DPP3: variants seen among roughly 807,000 people sequenced by gnomAD.
DPP3 encodes the protein DPP III.
Under a neutral mutation model 89.8 loss-of-function variants are expected in DPP3, and 64 were observed. The ratio of observed to expected loss-of-function variants is 0.71; its 90% CI spans 0.58 to 0.88. DPP3 has a LOEUF of 0.88. DPP3 is among the 40% of genes least tolerant of loss of function. The probability of loss-of-function intolerance (pLI) is 0.00; values close to 1 mark genes in which losing one functional copy is unlikely to be tolerated. For synonymous variants in DPP3, 377 were observed against 404.3 expected (o/e 0.93, Z 0.81); for missense variants, 835 against 972.5 (o/e 0.86, Z 1.88).
chr11:66,486,460 G>A, intron 3 of DPP3, 80 bp from the exon 4 acceptor site: 1 of 1,395,476 alleles, frequency 7.2e-7, no homozygotes, highest in Non-Finnish European at 9.4e-7. Context: ...CATAGGAGAA[G>A]AGCTTGGGAG....
At chr11:66,498,124 C>T (rs1228333627) in intron 16 of DPP3, among the ~76,000 whole-genome samples, 6 of 142,470 alleles carry the variant, frequency 4.2e-5, no homozygotes, top group Non-Finnish European at 7.6e-5. Context: ...GACAGGGTCT[C>T]GCTCTGTCGC....
Position 66,487,933 on chromosome 11 carries a change from C to G in DPP3, c.593C>G (p.Thr198Ser). 6.2e-7 allele frequency: 1 copy of G among 1,614,102 alleles called. No individual in the cohort carries two copies. Among genetic ancestry groups the G allele is most frequent in the Non-Finnish European group, 8.5e-7 (1 of 1,179,988 alleles). The change falls in exon 6 of 18, where the codon ACC becomes AGC. Residue 198 changes from threonine (T) to serine (S), a missense_variant. Coordinates refer to ENST00000531863, the MANE Select transcript of DPP3 (RefSeq NM_130443.4). ...TTCTAGAACCTCAGTGCCTACAACA[C>G]CCGGCTCTTCAAAGAGGTCGATGGA... is the stretch of plus-strand genomic sequence containing the variant. Reference protein sequence around the residue: ...LDSQNLSAYNTRLFKEVDGEG... With the variant: ...LDSQNLSAYNSRLFKEVDGEG...
At chr11:66,508,293 CGGAGATAATGAT>C (rs1855853977) in intron 17 of DPP3, among the ~76,000 whole-genome samples, 1 of 152,130 alleles carries the variant, frequency 6.6e-6, no homozygotes, top group South Asian at 2.1e-4. Context: ...TAAACAGGTT[CGGAGATAATGAT>C]GCCATGGTGG....
At chr11:66,504,826 G>A (rs759636415) in intron 17 of DPP3, 52 bp downstream of exon 17, 8 of 1,528,264 alleles carry the variant, frequency 5.2e-6, no homozygotes, top group Non-Finnish European at 5.3e-6. Context: ...CACCACACAG[G>A]GCCCTCTGGG....
chr11:66,491,857 T>C, intron 9 of DPP3, 101 bp downstream of exon 9: 1 of 1,289,718 alleles, frequency 7.8e-7, no homozygotes. Flanking sequence ...CGCTCAGCCA[T>C]AACCATAACA....
chr11:66,508,443 G>A (rs1404850380), intron 17 of DPP3, among the ~76,000 whole-genome samples: 2 of 152,156 alleles, frequency 1.3e-5, no homozygotes, highest in East Asian at 1.9e-4. Flanking sequence ...AGATGAAGTC[G>A]TTGCTGAATT....
At chr11:66,481,979 A>T (rs1184787319) in intron 1 of DPP3, 1 of 658,792 alleles carries the variant, frequency 1.5e-6, no homozygotes, top group African/African-American at 1.8e-5. Flanking sequence ...TAGGGACTAC[A>T]GACCAAATAT....
intron 1 of DPP3, 154 bp from the exon 2 acceptor site, chr11:66,482,039 C>G: frequency 8.6e-7 from 1 of 1,160,744 alleles, no homozygotes; most frequent in Non-Finnish European, 1.2e-6. Context: ...CTCACCTTCT[C>G]TAAGCCTCAG....
Position 66,509,605 on chromosome 11 carries a change from TC to T in DPP3, c.*356del. 2 of 626,918 alleles carry T rather than the reference TC, an allele frequency of 3.2e-6. No homozygotes were observed. Among genetic ancestry groups the T allele is most frequent in the Non-Finnish European group, 5.8e-6 (2 of 344,242 alleles). The allele number at this position is 626,918 out of a possible 1,614,324, so 38.8% of individuals were successfully genotyped here. ...AAAACGTTCTCACCAAATCCAATGC[TC>T]CTCACATATTAATTTTATAACCAGA... On this transcript the variant is annotated 3_prime_UTR_variant, in exon 18 of 18. Transcript: ENST00000531863.
At chr11:66,484,254 G>A (rs1238513198) in intron 2 of DPP3, among the ~76,000 whole-genome samples, 2 of 152,178 alleles carry the variant, frequency 1.3e-5, no homozygotes, top group Non-Finnish European at 2.9e-5. Flanking sequence ...TGGGATTACA[G>A]GTGTGAGCCA....
chr11:66,480,538 CG>C lies in DPP3; in HGVS notation c.-9+74del, dbSNP rs141731540. ...GGGACCAAGGCGAATCCATACTGAG[CG>C]CAAAATCGTTCCCTTTCTGCCCACT... On this transcript the variant is annotated intron_variant, in intron 1 of 17. Coordinates refer to ENST00000531863, the MANE Select transcript of DPP3 (RefSeq NM_130443.4). 4.6e-4 allele frequency: 663 copies of C among 1,427,762 alleles called. 4 individuals carry two copies. The African/African-American group carries it at 9.3e-3, about 20-fold the overall frequency. 88.4% of individuals were successfully genotyped at this position (1,427,762 alleles called of 1,614,324 possible).
intron 1 of DPP3, 129 bp downstream of exon 1, chr11:66,480,594 C>A (rs2134711322): frequency 1.8e-6 from 2 of 1,125,606 alleles, no homozygotes; most frequent in Non-Finnish European, 2.4e-6. Flanking sequence ...TTCACCCCGC[C>A]CTCGAGGCCA....
intron 16 of DPP3, among the ~76,000 whole-genome samples, chr11:66,500,853 TC>T (rs1329531161): frequency 2.6e-5 from 4 of 151,630 alleles, no homozygotes. Context: ...GTCAGGAGTT[TC>T]AGACCAGCCT....
chr11:66,485,274 G>T lies in DPP3; in HGVS notation c.360+12G>T, dbSNP rs2134719860. On this transcript the variant is annotated intron_variant, in intron 3 of 17. Coordinates refer to ENST00000531863, the MANE Select transcript of DPP3 (RefSeq NM_130443.4). ...CCAACTTGCCCAAGGTGAGCCAAGG[G>T]AGGGTTGGGGAAGGTGGGGATGGGG... 1 of 1,612,954 alleles carries T rather than the reference G, an allele frequency of 6.2e-7. No individual in the cohort carries two copies. Among genetic ancestry groups the T allele is most frequent in the Non-Finnish European group, 8.5e-7 (1 of 1,179,224 alleles).
At chr11:66,502,748 G>A (rs1855710994) in intron 16 of DPP3, among the ~76,000 whole-genome samples, 1 of 152,154 alleles carries the variant, frequency 6.6e-6, no homozygotes, top group Non-Finnish European at 1.5e-5. Flanking sequence ...ACAGGCGTGA[G>A]ACACCACGCC....
intron 7 of DPP3, 48 bp downstream of exon 7, chr11:66,491,431 G>T (rs969879289): frequency 2.2e-5 from 35 of 1,604,616 alleles, no homozygotes; most frequent in Non-Finnish European, 2.8e-5. Context: ...ACCCCTCTGG[G>T]CAGCAGAGCG....
chr11:66,502,048 C>T (rs1855690176), intron 16 of DPP3, among the ~76,000 whole-genome samples: 1 of 151,026 alleles, frequency 6.6e-6, no homozygotes, highest in Non-Finnish European at 1.5e-5. Context: ...CAAAAATTAG[C>T]TGGGCGTGGT....
In DPP3 at chr11:66,486,696, C is replaced by T; in HGVS notation, c.498+19C>T. 2 of 1,489,048 alleles carry T rather than the reference C, an allele frequency of 1.3e-6. No homozygotes were observed. Among genetic ancestry groups the T allele is most frequent in the Non-Finnish European group, 9.0e-7 (1 of 1,116,936 alleles). 92.2% of individuals were successfully genotyped at this position (1,489,048 alleles called of 1,614,324 possible). On this transcript the variant is annotated intron_variant, in intron 4 of 17. Transcript: ENST00000531863. ...GAAGGAGGTGAGGCCCCTGACTCCC[C>T]CGAGGGGACAGGGAGTGGAGGGAAT...
At chr11:66,507,761 C>T (rs1187860708) in intron 17 of DPP3, among the ~76,000 whole-genome samples, 3 of 147,524 alleles carry the variant, frequency 2.0e-5, no homozygotes, top group East Asian at 2.0e-4. Flanking sequence ...TCACTGCAAC[C>T]TCCACCTCCG....
Sources: allele counts gnomAD v4.1 joint callset (sites outside exome capture counted in the v4.1 genomes callset), GRCh38; gene constraint gnomAD v4.1.1; transcripts MANE v1.5; gene names NCBI Gene and HGNC (gene_info 2026-07-23, HGNC 2026-07-21).